The following ALK variants were observed in gnomAD, a reference collection of about 807,000 sequenced individuals.
ALK encodes ALK tyrosine kinase receptor.
A neutral mutation model predicts 163.1 loss-of-function variants in ALK; 74 were observed. That is an observed-to-expected ratio of 0.45 (90% CI 0.38 to 0.55). ALK has a LOEUF of 0.55. ALK is among the 20% of genes least tolerant of loss of function. The pLI is 0.00. For missense variants in ALK, 2,063 were observed against 2,105.3 expected (o/e 0.98, Z 0.39); for synonymous variants, 960 against 843.2 (o/e 1.14, Z -2.40).
At chr2:29,523,729 C>T (rs1672875511) in intron 4 of ALK, among the ~76,000 whole-genome samples, 1 of 152,142 alleles carries the variant, frequency 6.6e-6, no homozygotes, top group South Asian at 2.1e-4. Flanking sequence ...ACAGTTCTCT[C>T]ATCGTCCTGG....
intron 4 of ALK, among the ~76,000 whole-genome samples, chr2:29,446,427 A>C (rs1670686082): frequency 6.6e-6 from 1 of 152,178 alleles, no homozygotes; most frequent in Non-Finnish European, 1.5e-5. Flanking sequence ...TTTTTGTGAG[A>C]CTTAAATAAG....
intron 26 of ALK, among the ~76,000 whole-genome samples, chr2:29,200,731 ATATATATACG>A (rs1669138866): frequency 2.1e-5 from 3 of 144,182 alleles, no homozygotes; most frequent in East Asian, 2.0e-4. Flanking sequence ...GTATATATGT[ATATATATACG>A]TATATATATA....
At position 29,193,765 on chromosome 2, in the gene ALK, G is replaced by T. The variant is rs1668949114; in HGVS notation, c.4322C>A (p.Pro1441Gln). Residue 1441 changes from proline to glutamine, a missense_variant, in exon 29 of 29, where the codon CCA becomes CAA. Transcript: ENST00000389048. ...KREEERSPAAPPPLPTTSSGK... is the reference protein window; with the variant it reads ...KREEERSPAAQPPLPTTSSGK... ...AGAGGAGGTGGTAGGCAGAGGTGGT[G>T]GGGCAGCTGGGCTGCGCTCCTCCTC... The T allele has an allele frequency of 3.8e-6, 6 of 1,594,872 alleles. No homozygotes were observed. The highest frequency in any genetic ancestry group is 5.1e-6 in the Non-Finnish European group (6 of 1,169,684).
intron 1 of ALK, among the ~76,000 whole-genome samples, chr2:29,870,501 A>T (rs1418488069): frequency 6.6e-6 from 1 of 152,262 alleles, no homozygotes; most frequent in East Asian, 1.9e-4. Flanking sequence ...AACATATAGG[A>T]TTGCAATTCA....
intron 4 of ALK, among the ~76,000 whole-genome samples, chr2:29,524,359 C>T (rs1013535120): frequency 1.1e-4 from 16 of 152,230 alleles, no homozygotes; most frequent in African/African-American, 3.9e-4. Context: ...TGGATAAGAA[C>T]AGCTCTTAGT....
chr2:29,717,455 CT>C (rs769436016), intron 2 of ALK, 122 bp downstream of exon 2: 12 of 1,228,676 alleles, frequency 9.8e-6, no homozygotes, highest in Non-Finnish European at 1.4e-5. Context: ...AGAAAGACTT[CT>C]TTTGCATATA....
chr2:29,610,439 C>A (rs1243228879), intron 3 of ALK, among the ~76,000 whole-genome samples: 1 of 152,156 alleles, frequency 6.6e-6, no homozygotes, highest in Non-Finnish European at 1.5e-5. Flanking sequence ...TAAAGGGTTT[C>A]ATTCGTCTTA....
At chr2:29,902,576 GC>G (rs1042395164) in intron 1 of ALK, among the ~76,000 whole-genome samples, 2 of 152,120 alleles carry the variant, frequency 1.3e-5, no homozygotes, top group Non-Finnish European at 2.9e-5. Flanking sequence ...CAAGGTCCTG[GC>G]CCCATCCTGC....
intron 3 of ALK, among the ~76,000 whole-genome samples, chr2:29,591,608 C>G (rs1456535769): frequency 6.6e-6 from 1 of 152,042 alleles, no homozygotes; most frequent in Non-Finnish European, 1.5e-5. Context: ...ACATAGAGCT[C>G]TAAGATGGCA....
At chr2:29,629,460 A>T (rs1216688804) in intron 3 of ALK, among the ~76,000 whole-genome samples, 2 of 152,152 alleles carry the variant, frequency 1.3e-5, no homozygotes, top group African/African-American at 2.4e-5. Flanking sequence ...CTTGAGATGG[A>T]ATATAGAACT....
At chr2:29,524,217 G>A (rs1672893192) in intron 4 of ALK, among the ~76,000 whole-genome samples, 1 of 152,184 alleles carries the variant, frequency 6.6e-6, no homozygotes, top group African/African-American at 2.4e-5. Flanking sequence ...CCCCTACTAT[G>A]TGCTAGGCAG....
chr2:29,360,190 G>C (rs1035825246), intron 5 of ALK, among the ~76,000 whole-genome samples: 14 of 152,156 alleles, frequency 9.2e-5, no homozygotes, highest in African/African-American at 3.4e-4. Flanking sequence ...TTCTTCCTAA[G>C]GGCCAAGATT....
chr2:29,298,861 T>C lies in ALK; in HGVS notation c.1648-1804A>G, dbSNP rs543727924. Among the ~76,000 whole-genome samples, 40 of 152,288 alleles carry C rather than the reference T, an allele frequency of 2.6e-4. 1 individual carries two copies. Among genetic ancestry groups the C allele is most frequent in the African/African-American group, 8.7e-4 (36 of 41,564 alleles). On this transcript the variant is annotated intron_variant, in intron 8 of 28. Transcript: ENST00000389048. ...AGCTCATTTTCTCTCCCCCAGTCCT[T>C]GCTCTTTTAGTTACTGCCCTCCTTT...
At chr2:29,268,940 C>T (rs765772183) in intron 11 of ALK, among the ~76,000 whole-genome samples, 1 of 152,118 alleles carries the variant, frequency 6.6e-6, no homozygotes, top group Admixed American at 6.5e-5. Flanking sequence ...TACATATAAA[C>T]GTATGTGATC....
chr2:29,640,548 T>C (rs7559091), intron 3 of ALK, among the ~76,000 whole-genome samples: 21,370 of 152,158 alleles, frequency 0.14, 3,531 homozygotes, highest in African/African-American at 0.41. Context: ...TACATGCCTA[T>C]ACATGAGAAG....
intron 3 of ALK, among the ~76,000 whole-genome samples, chr2:29,571,563 A>T (rs1674369201): frequency 7.1e-6 from 1 of 140,868 alleles, no homozygotes; most frequent in African/African-American, 2.7e-5. Context: ...AGTCAATTAA[A>T]CCTCTTTCCT....
chr2:29,757,426 T>C (rs1282776217), intron 1 of ALK, among the ~76,000 whole-genome samples: 1 of 152,180 alleles, frequency 6.6e-6, no homozygotes, highest in Non-Finnish European at 1.5e-5. Flanking sequence ...CCAGGCAGTG[T>C]GATCCAGAGC....
At chr2:29,831,156 AAGAAGGAGAAGAG>A (rs1316490107) in intron 1 of ALK, among the ~76,000 whole-genome samples, 2 of 54,158 alleles carry the variant, frequency 3.7e-5, no homozygotes, top group African/African-American at 1.3e-4. Flanking sequence ...GAAGAAGGGG[AAGAAGGAGAAGAG>A]GAAGAGGAAG....
At chr2:29,411,371 C>G (rs1281299117) in intron 4 of ALK, among the ~76,000 whole-genome samples, 1 of 151,988 alleles carries the variant, frequency 6.6e-6, no homozygotes, top group Non-Finnish European at 1.5e-5. Flanking sequence ...TTTGTTTCCT[C>G]TCTTCATCAC....
Sources: gnomAD v4.1 joint callset for allele counts (sites outside exome capture counted in the v4.1 genomes callset) on GRCh38, gnomAD v4.1.1 for gene constraint, MANE v1.5 for transcripts, NCBI Gene and HGNC (gene_info 2026-07-23, HGNC 2026-07-21) for gene names.